NRF1: variants seen among roughly 807,000 people sequenced by gnomAD.
NRF1 encodes alpha palindromic-binding protein.
NRF1 carries 5 observed loss-of-function variants against 58.5 expected under a neutral mutation model. The observed-to-expected ratio is 0.09, with a 90% confidence interval of 0.04 to 0.18. NRF1 has a LOEUF of 0.18. Ranked by LOEUF, NRF1 falls within the 10% of genes least tolerant of loss-of-function variation. The pLI is 1.00. For missense variants in NRF1, 288 were observed against 657.7 expected (o/e 0.44, Z 6.15); for synonymous variants, 224 against 246.7 (o/e 0.91, Z 0.86).
At chr7:129,705,614 A>C (rs1000375494) in intron 5 of NRF1, among the ~76,000 whole-genome samples, 7 of 152,026 alleles carry the variant, frequency 4.6e-5, no homozygotes, top group African/African-American at 1.7e-4. Flanking sequence ...TGGTAGAAAG[A>C]GCTAACTTAA....
chr7:129,746,448 T>G (rs1803977127), intron 10 of NRF1, among the ~76,000 whole-genome samples: 1 of 152,208 alleles, frequency 6.6e-6, no homozygotes, highest in Admixed American at 6.5e-5. Context: ...TCCTGTTATC[T>G]TCTTCCACTT....
chr7:129,695,288 T>C (rs1416813587), intron 5 of NRF1, among the ~76,000 whole-genome samples: 1 of 151,936 alleles, frequency 6.6e-6, no homozygotes, highest in Non-Finnish European at 1.5e-5. Context: ...CATTAAAATC[T>C]TAACACTGCC....
chr7:129,713,517 T>C (rs1332541253), intron 8 of NRF1, among the ~76,000 whole-genome samples: 3 of 152,230 alleles, frequency 2.0e-5, no homozygotes, highest in Admixed American at 2.0e-4. Flanking sequence ...ACCTTAAATA[T>C]GGGCAGGCTG....
At chr7:129,686,217 C>T (rs12538553) in intron 4 of NRF1, among the ~76,000 whole-genome samples, 2 of 151,754 alleles carry the variant, frequency 1.3e-5, no homozygotes, top group Non-Finnish European at 2.9e-5. Context: ...CAAAGTTGCT[C>T]AGTATAGGAC....
intron 10 of NRF1, among the ~76,000 whole-genome samples, chr7:129,746,772 TA>T (rs1264116367): frequency 6.6e-6 from 1 of 152,264 alleles, no homozygotes; most frequent in Non-Finnish European, 1.5e-5. Flanking sequence ...AGGCATTACG[TA>T]ATGTAAATTT....
chr7:129,689,465 T>C (rs937104657), intron 4 of NRF1, among the ~76,000 whole-genome samples: 5 of 152,210 alleles, frequency 3.3e-5, no homozygotes, highest in African/African-American at 1.2e-4. Context: ...CATAATTCCA[T>C]GGCTTCTTTG....
intron 1 of NRF1, among the ~76,000 whole-genome samples, chr7:129,644,002 C>CT (rs1045109945): frequency 3.2e-4 from 49 of 152,286 alleles, no homozygotes; most frequent in African/African-American, 1.1e-3. Flanking sequence ...CTGCAGTGCC[C>CT]TTTTTTTCAT....
At chr7:129,654,222 T>C (rs1033418876) in intron 1 of NRF1, among the ~76,000 whole-genome samples, 1 of 152,260 alleles carries the variant, frequency 6.6e-6, no homozygotes. Context: ...CCTTGACATA[T>C]GATGTTGAGC....
intron 4 of NRF1, among the ~76,000 whole-genome samples, chr7:129,685,585 G>A (rs1012027250): frequency 5.6e-5 from 6 of 107,010 alleles, no homozygotes; most frequent in Non-Finnish European, 1.5e-4. Flanking sequence ...GTGTGTGTGT[G>A]TGTGTGTGTG....
intron 8 of NRF1, 134 bp downstream of exon 8, chr7:129,711,710 C>T (rs1803078370): frequency 3.1e-6 from 2 of 652,278 alleles, no homozygotes; most frequent in Non-Finnish European, 5.2e-6. Context: ...AGCATGAGAC[C>T]ATGAAAGTTT....
At chr7:129,617,289 A>T (rs970556992) in intron 1 of NRF1, among the ~76,000 whole-genome samples, 2 of 152,318 alleles carry the variant, frequency 1.3e-5, no homozygotes, top group African/African-American at 4.8e-5. Flanking sequence ...GAACTTTAAG[A>T]GTCCGTTTTG....
intron 10 of NRF1, among the ~76,000 whole-genome samples, chr7:129,752,129 T>C (rs1044375850): frequency 3.9e-5 from 6 of 152,234 alleles, no homozygotes; most frequent in Admixed American, 3.9e-4. Context: ...TGGGAAGGCC[T>C]GTTGCAGACA....
At chr7:129,637,850 A>ATT (rs35768048) in intron 1 of NRF1, among the ~76,000 whole-genome samples, 3 of 151,164 alleles carry the variant, frequency 2.0e-5, no homozygotes, top group Admixed American at 1.3e-4. Context: ...ACATTATGAG[A>ATT]TTTTTTTGTG....
intron 2 of NRF1, among the ~76,000 whole-genome samples, chr7:129,670,281 C>T (rs1802017706): frequency 6.6e-6 from 1 of 152,096 alleles, no homozygotes; most frequent in Non-Finnish European, 1.5e-5. Flanking sequence ...GATGTGTTGT[C>T]CACTTTACAT....
intron 9 of NRF1, 87 bp downstream of exon 9, chr7:129,717,463 C>T: frequency 1.4e-6 from 2 of 1,397,706 alleles, no homozygotes; most frequent in East Asian, 5.0e-5. Flanking sequence ...AAATGTGTCT[C>T]TGTTTGCCAC....
chr7:129,637,591 T>A (rs7783235), intron 1 of NRF1, among the ~76,000 whole-genome samples: 22,683 of 152,222 alleles, frequency 0.15, 1,800 homozygotes, highest in African/African-American at 0.22. Flanking sequence ...TAGTATATCT[T>A]TTGAAATTAT....
chr7:129,634,035 A>AT (rs1584592104), intron 1 of NRF1, among the ~76,000 whole-genome samples: 2 of 69,888 alleles, frequency 2.9e-5, no homozygotes, highest in African/African-American at 1.8e-4. Flanking sequence ...TATTTAAAAA[A>AT]AAAAAAAGAT....
chr7:129,639,294 T>C (rs1801237597), intron 1 of NRF1, among the ~76,000 whole-genome samples: 1 of 151,948 alleles, frequency 6.6e-6, no homozygotes, highest in Non-Finnish European at 1.5e-5. Context: ...TCCTGACAAT[T>C]TATGGGGATT....
intron 1 of NRF1, among the ~76,000 whole-genome samples, chr7:129,622,571 C>CTTTTTTTTTT (rs71527916): frequency 1.5e-5 from 2 of 132,562 alleles, no homozygotes; most frequent in South Asian, 2.4e-4. Flanking sequence ...CTTTTCTTTT[C>CTTTTTTTTTT]TTTTTTTTTT....
Sources: gnomAD v4.1 joint callset for allele counts (sites outside exome capture counted in the v4.1 genomes callset) on GRCh38, gnomAD v4.1.1 for gene constraint, MANE v1.5 for transcripts, NCBI Gene and HGNC (gene_info 2026-07-23, HGNC 2026-07-21) for gene names.